The following OPCML variants were observed in gnomAD, a reference collection of about 807,000 sequenced individuals.
OPCML encodes the protein opioid-binding protein/cell adhesion molecule.
A neutral mutation model predicts 37.8 loss-of-function variants in OPCML; 13 were observed. The ratio of observed to expected loss-of-function variants is 0.34; its 90% CI spans 0.22 to 0.55. The LOEUF is 0.55. Ranked by LOEUF, OPCML falls within the 20% of genes least tolerant of loss-of-function variation. The pLI, the probability that OPCML is intolerant of heterozygous loss-of-function variation, is 0.91. For synonymous variants in OPCML, 176 were observed against 168.8 expected, an observed-to-expected ratio of 1.04 and a Z score of -0.33; for missense variants, 341 against 435.6, an observed-to-expected ratio of 0.78 and a Z score of 1.93.
chr11:132,487,341 T>A (rs1449989567), intron 4 of OPCML, among the ~76,000 whole-genome samples: 1 of 152,202 alleles, frequency 6.6e-6, no homozygotes, highest in African/African-American at 2.4e-5. Context: ...CCGGGTCCTA[T>A]AGGATCAAGT....
At chr11:132,788,005 C>T (rs762485478) in intron 2 of OPCML, among the ~76,000 whole-genome samples, 1 of 152,094 alleles carries the variant, frequency 6.6e-6, no homozygotes, top group Non-Finnish European at 1.5e-5. Flanking sequence ...CTCAGCCTCC[C>T]GAGTAGCTGG....
intron 1 of OPCML, among the ~76,000 whole-genome samples, chr11:132,992,120 C>T: frequency 6.6e-6 from 1 of 152,140 alleles, no homozygotes; most frequent in East Asian, 1.9e-4. Flanking sequence ...AAGTTATCTT[C>T]CCAAGTTCAC....
intron 3 of OPCML, among the ~76,000 whole-genome samples, chr11:132,588,436 G>A (rs550429227): frequency 6.6e-6 from 1 of 152,242 alleles, no homozygotes; most frequent in Admixed American, 6.5e-5. Context: ...ATCAATCATA[G>A]CCTTGTATTA....
At chr11:133,445,357 G>A (rs1946452894) in intron 1 of OPCML, among the ~76,000 whole-genome samples, 1 of 152,184 alleles carries the variant, frequency 6.6e-6, no homozygotes, top group Non-Finnish European at 1.5e-5. Flanking sequence ...CTTATGCCAT[G>A]CCATAAGCTT....
Position 132,642,858 on chromosome 11 carries a change from G to A in OPCML, c.379+14229C>T, listed in dbSNP as rs141658026. 5.7e-3 allele frequency among the ~76,000 whole-genome samples: 865 copies of A among 152,334 alleles called. 4 individuals carry two copies. Among genetic ancestry groups the A allele is most frequent in the Non-Finnish European group, 9.5e-3 (648 of 68,030 alleles). ...ATACCTTCCTCCTAGAAGCAGCTCA[G>A]TAATTGAGACTCTTTTCCATATATA... On this transcript the variant is annotated intron_variant, in intron 3 of 7. Coordinates refer to ENST00000524381, the MANE Select transcript of OPCML (RefSeq NM_001012393.5).
At position 132,436,715 on chromosome 11, in the gene OPCML, G is replaced by A. The variant is rs1283561947; in HGVS notation, c.708C>T (p.Ser236=). 1 of 1,614,016 alleles carries A rather than the reference G, an allele frequency of 6.2e-7. No homozygotes were observed. Among genetic ancestry groups the A allele is most frequent in the African/African-American group, 1.3e-5 (1 of 74,910 alleles). Residue 236 remains serine (S), a synonymous_variant, in exon 6 of 8, where the codon AGC becomes AGT. Coordinates refer to ENST00000524381, the MANE Select transcript of OPCML (RefSeq NM_001012393.5). The stretch of plus-strand genomic sequence containing the variant: ...CCATGGGGACTGCAGAGGCTTCACA[G>A]CTCAGGATGCCCTTCTGACCGACTG... The part of the protein sequence containing the change: ...GVSVGQKGIL[S]CEASAVPMAE...
In OPCML at chr11:132,943,160, G is replaced by T; in HGVS notation, c.62-150C>A. The T allele has an allele frequency of 6.2e-7, 1 of 1,600,414 alleles. No homozygotes were observed. The highest frequency in any genetic ancestry group is 1.1e-5 in the South Asian group (1 of 90,226). On this transcript the variant is annotated intron_variant, in intron 1 of 7. Coordinates refer to ENST00000524381, the MANE Select transcript of OPCML (RefSeq NM_001012393.5). This position sits in a 1 kb window ranked among gnomAD's most constrained non-coding sequence, Gnocchi z 4.3. Reference sequence around the variant, plus strand: ...TCCTGGTCCCCCGCCCCGCGCACCAGCGGGCTCGGGAAGCGGTGCGGGGAG... The same window carrying T: ...TCCTGGTCCCCCGCCCCGCGCACCATCGGGCTCGGGAAGCGGTGCGGGGAG...
rs187268931 is a variant in OPCML at position 132,535,173 on chromosome 11, C to T, written c.380-5987G>A. Among the ~76,000 whole-genome samples, 9 of 151,626 alleles carry T rather than the reference C, an allele frequency of 5.9e-5. No individual in the cohort carries two copies. In the East Asian group the frequency reaches 1.7e-3, roughly 29 times the overall value. The stretch of plus-strand genomic sequence containing the variant: ...GTATGTGCATAAACACTCTAGCTAC[C>T]AGAGTAAAAAGTGCATAAACTCTCT... On this transcript the variant is annotated intron_variant, in intron 3 of 7. Transcript: ENST00000524381.
At chr11:132,446,498 T>C (rs946233344) in intron 4 of OPCML, among the ~76,000 whole-genome samples, 1 of 152,022 alleles carries the variant, frequency 6.6e-6, no homozygotes, top group African/African-American at 2.4e-5. Flanking sequence ...CTAAAAAGTA[T>C]AAAAAATAAA....
At chr11:133,450,849 AG>A (rs1324148365) in intron 1 of OPCML, among the ~76,000 whole-genome samples, 1 of 151,768 alleles carries the variant, frequency 6.6e-6, no homozygotes, top group Non-Finnish European at 1.5e-5. Context: ...TTCAGATCAA[AG>A]GTCTGGTATG....
chr11:132,876,218 A>G (rs926910104), intron 2 of OPCML, among the ~76,000 whole-genome samples: 1 of 152,186 alleles, frequency 6.6e-6, no homozygotes, highest in Non-Finnish European at 1.5e-5. Context: ...CTTCTTCCCT[A>G]TAAACCTTAA....
chr11:133,193,172 C>G (rs947753011), intron 1 of OPCML, among the ~76,000 whole-genome samples: 2 of 152,096 alleles, frequency 1.3e-5, no homozygotes, highest in African/African-American at 4.8e-5. Context: ...TCTTTCCAGT[C>G]AGATAGTGGA....
chr11:133,414,408 G>A (rs913644322), intron 1 of OPCML, among the ~76,000 whole-genome samples: 1 of 152,000 alleles, frequency 6.6e-6, no homozygotes, highest in African/African-American at 2.4e-5. Context: ...GGATTCCTAG[G>A]GGAAAATAAC....
At chr11:132,838,443 T>C (rs1263463137) in intron 2 of OPCML, among the ~76,000 whole-genome samples, 2 of 152,176 alleles carry the variant, frequency 1.3e-5, no homozygotes, top group Non-Finnish European at 2.9e-5. Context: ...ACATTTGGCC[T>C]GGATAAATGA....
At chr11:133,150,403 G>A (rs796162670) in intron 1 of OPCML, among the ~76,000 whole-genome samples, 31 of 152,312 alleles carry the variant, frequency 2.0e-4, no homozygotes, top group Middle Eastern at 3.4e-3. Flanking sequence ...TGATGCAGGT[G>A]CGAAATGGTG....
chr11:133,405,575 A>T (rs1231510509), intron 1 of OPCML, among the ~76,000 whole-genome samples: 1 of 152,154 alleles, frequency 6.6e-6, no homozygotes, highest in Admixed American at 6.5e-5. Flanking sequence ...CTTCATGCAA[A>T]TCTGCTGAGC....
chr11:133,307,427 T>C (rs1056528653), intron 1 of OPCML, among the ~76,000 whole-genome samples: 1 of 152,220 alleles, frequency 6.6e-6, no homozygotes, highest in Non-Finnish European at 1.5e-5. Flanking sequence ...AATATGTTTA[T>C]ACACATTTTA....
chr11:133,200,677 CTTA>C (rs1273237079), intron 1 of OPCML, among the ~76,000 whole-genome samples: 2 of 152,156 alleles, frequency 1.3e-5, no homozygotes, highest in African/African-American at 2.4e-5. Flanking sequence ...CAAATTACAA[CTTA>C]TTTTTTCCAC....
At chr11:133,217,595 A>G (rs1272914853) in intron 1 of OPCML, among the ~76,000 whole-genome samples, 1 of 152,140 alleles carries the variant, frequency 6.6e-6, no homozygotes, top group African/African-American at 2.4e-5. Flanking sequence ...TGCCTGGGCC[A>G]CTGCCTGTGC....
Sources: allele counts gnomAD v4.1 joint callset (sites outside exome capture counted in the v4.1 genomes callset), GRCh38; gene constraint gnomAD v4.1.1; non-coding constraint Gnocchi (gnomAD v3.1); transcripts MANE v1.5; gene names NCBI Gene and HGNC (gene_info 2026-07-23, HGNC 2026-07-21).